ZBTB20: variants seen among roughly 807,000 people sequenced by gnomAD.
ZBTB20 encodes the protein zinc finger and BTB domain containing 20, also known as zinc finger and BTB domain-containing protein 20.
In ZBTB20, 9 loss-of-function variants were observed where a neutral mutation model predicts 56.9. That is an observed-to-expected ratio of 0.16 (90% confidence interval 0.10 to 0.28). ZBTB20 has a LOEUF of 0.28. ZBTB20 is among the 10% of genes least tolerant of loss of function. The probability of loss-of-function intolerance (pLI) is 1.00; values close to 1 mark genes in which losing one functional copy is unlikely to be tolerated. For synonymous variants in ZBTB20, 417 were observed against 420.7 expected (o/e 0.99, Z 0.11); for missense variants, 655 against 1,003.0 (o/e 0.65, Z 4.69).
chr3:114,421,459 G>A (rs1024377681), intron 7 of ZBTB20, among the ~76,000 whole-genome samples: 3 of 152,156 alleles, frequency 2.0e-5, no homozygotes, highest in Non-Finnish European at 2.9e-5. Flanking sequence ...CAGCTTCACT[G>A]CAGACGGCAG....
chr3:114,939,184 G>A (rs974994854), intron 3 of ZBTB20, among the ~76,000 whole-genome samples: 5 of 145,846 alleles, frequency 3.4e-5, no homozygotes, highest in East Asian at 1.9e-4. Flanking sequence ...TTTTATTCCC[G>A]TTCTAGGAAT....
In ZBTB20 at chr3:114,316,508, CTA is replaced by C. The variant is rs766925940; in HGVS notation, c.*22495_*22496del. 3 of 529,190 alleles carry C rather than the reference CTA, an allele frequency of 5.7e-6. No individual in the cohort carries two copies. The highest frequency in any genetic ancestry group is 3.9e-5 in the African/African-American group (2 of 51,386). The allele number at this position is 529,190 out of a possible 1,614,324, so 32.8% of individuals were successfully genotyped here. ...CACCTATACATGTATAATATATACA[CTA>C]TATATATGTGGATACATATAGGAAG... On this transcript the variant is annotated 3_prime_UTR_variant, in exon 12 of 12. Coordinates refer to ENST00000675478, the MANE Select transcript of ZBTB20 (RefSeq NM_001348800.3).
intron 2 of ZBTB20, among the ~76,000 whole-genome samples, chr3:114,993,548 G>C (rs575884828): frequency 4.6e-5 from 7 of 151,164 alleles, no homozygotes; most frequent in African/African-American, 1.7e-4. Context: ...CCAAAGAATT[G>C]GTATTACAAA....
chr3:114,675,076 A>G (rs565687819), intron 6 of ZBTB20, among the ~76,000 whole-genome samples: 7 of 148,134 alleles, frequency 4.7e-5, no homozygotes, highest in Non-Finnish European at 8.9e-5. Context: ...TATATATTAT[A>G]TATATTATAT....
intron 6 of ZBTB20, among the ~76,000 whole-genome samples, chr3:114,640,125 G>A (rs1449492274): frequency 6.6e-6 from 1 of 151,740 alleles, no homozygotes; most frequent in Admixed American, 6.6e-5. Flanking sequence ...TTCAAATGTT[G>A]GTTTAATACT....
intron 6 of ZBTB20, among the ~76,000 whole-genome samples, chr3:114,563,602 A>T (rs2052365857): frequency 6.6e-6 from 1 of 152,168 alleles, no homozygotes; most frequent in African/African-American, 2.4e-5. Flanking sequence ...TGTAAGATAA[A>T]TTATTCTCAC....
At chr3:114,460,995 T>C (rs1252340178) in intron 7 of ZBTB20, among the ~76,000 whole-genome samples, 1 of 152,180 alleles carries the variant, frequency 6.6e-6, no homozygotes, top group East Asian at 1.9e-4. Context: ...TGATTATTGG[T>C]TAATTGATCA....
At chr3:114,527,396 G>C (rs1284242381) in intron 6 of ZBTB20, 1 of 152,176 alleles carries the variant, frequency 6.6e-6, no homozygotes, top group African/African-American at 2.4e-5. Context: ...GGGCTGAAGG[G>C]GGCAGGAAGC....
intron 6 of ZBTB20, among the ~76,000 whole-genome samples, chr3:114,668,285 G>A (rs1006920782): frequency 3.3e-5 from 5 of 151,940 alleles, no homozygotes; most frequent in Non-Finnish European, 7.4e-5. Context: ...CGTTGGGCAA[G>A]CCACTTAACT....
chr3:114,383,776 C>T (rs1002281326), intron 8 of ZBTB20: 19 of 152,350 alleles, frequency 1.2e-4, no homozygotes, highest in African/African-American at 3.8e-4. Context: ...TACGTCTAGA[C>T]ATGCACAGGT....
chr3:114,476,345 C>A (rs2040763608), intron 7 of ZBTB20, among the ~76,000 whole-genome samples: 2 of 152,186 alleles, frequency 1.3e-5, no homozygotes, highest in African/African-American at 4.8e-5. Context: ...CTATGATATT[C>A]TTCCTACTTT....
At chr3:114,563,355 C>T (rs570290392) in intron 6 of ZBTB20, among the ~76,000 whole-genome samples, 1 of 152,146 alleles carries the variant, frequency 6.6e-6, no homozygotes, top group Non-Finnish European at 1.5e-5. Flanking sequence ...AAATAAGGTA[C>T]ATTATTAGCC....
intron 3 of ZBTB20, among the ~76,000 whole-genome samples, chr3:114,924,605 A>G (rs776233230): frequency 2.6e-5 from 4 of 152,228 alleles, no homozygotes; most frequent in Admixed American, 6.5e-5. Flanking sequence ...CATTTCAGTT[A>G]TAAGTTGAAC....
chr3:114,519,687 G>C (rs537354938), intron 6 of ZBTB20: 1 of 152,152 alleles, frequency 6.6e-6, no homozygotes, highest in African/African-American at 2.4e-5. Flanking sequence ...ATTGTGATTG[G>C]TGGGAAAGAT....
At chr3:114,939,115 G>A (rs1197377623) in intron 3 of ZBTB20, among the ~76,000 whole-genome samples, 1 of 145,786 alleles carries the variant, frequency 6.9e-6, no homozygotes, top group Non-Finnish European at 1.5e-5. Context: ...AATTATCTAT[G>A]CTCTCTACAA....
intron 4 of ZBTB20, among the ~76,000 whole-genome samples, chr3:114,832,595 AT>A (rs2073911918): frequency 6.6e-6 from 1 of 152,138 alleles, no homozygotes; most frequent in Admixed American, 6.6e-5. Flanking sequence ...TATTCTATAA[AT>A]AAAAATGATG....
At chr3:114,814,193 C>T (rs188627588) in intron 4 of ZBTB20, among the ~76,000 whole-genome samples, 78 of 151,006 alleles carry the variant, frequency 5.2e-4, no homozygotes, top group African/African-American at 8.0e-4. Flanking sequence ...GCCTCCTTCT[C>T]ATGTTTTTCC....
intron 2 of ZBTB20, among the ~76,000 whole-genome samples, chr3:115,047,789 A>C (rs1198670648): frequency 3.3e-5 from 5 of 152,168 alleles, no homozygotes; most frequent in Non-Finnish European, 7.3e-5. Context: ...ACTATAGTAA[A>C]GTTAACTTTA....
intron 1 of ZBTB20, among the ~76,000 whole-genome samples, chr3:115,146,898 C>T (rs1041118548): frequency 6.6e-6 from 1 of 151,704 alleles, no homozygotes; most frequent in Non-Finnish European, 1.5e-5. Context: ...GCCCCGCCAC[C>T]CTTCGACCCT....
Sources: allele counts gnomAD v4.1 joint callset (sites outside exome capture counted in the v4.1 genomes callset), GRCh38; gene constraint gnomAD v4.1.1; transcripts MANE v1.5; gene names NCBI Gene and HGNC (gene_info 2026-07-23, HGNC 2026-07-21).